Variants in CCPG1 observed in about 807,000 individuals in gnomAD.
CCPG1 encodes cell cycle progression 1.
In CCPG1, 46 loss-of-function variants were observed where a neutral mutation model predicts 81.3. The observed-to-expected ratio is 0.57, with a 90% CI of 0.45 to 0.72. CCPG1 has a LOEUF of 0.72. Ranked by LOEUF, CCPG1 falls within the 30% of genes least tolerant of loss-of-function variation. CCPG1 has a pLI of 0.00. For missense variants in CCPG1, 902 were observed against 937.6 expected (o/e 0.96, Z 0.50); for synonymous variants, 330 against 305.2 (o/e 1.08, Z -0.85).
chr15:55,368,407 C>T (rs1407573854), intron 6 of CCPG1, among the ~76,000 whole-genome samples: 1 of 152,098 alleles, frequency 6.6e-6, no homozygotes, highest in African/African-American at 2.4e-5. Flanking sequence ...TTAAATCTTA[C>T]CACCTCCAGG....
At position 55,378,316 on chromosome 15, in the gene CCPG1, G is replaced by C. The variant is rs1366791021; in HGVS notation, c.236C>G (p.Thr79Ser). ...EETAYPALEE[T>S]SSTIEAEEQK... ...CAAGTTTACCTCAATTGTTGAGCTG[G>C]TTTCCTCCAAAGCTGGATAAGCAGT... is the stretch of plus-strand genomic sequence containing the variant. Residue 79 changes from threonine to serine, a missense_variant, in exon 4 of 9, where the codon ACC (threonine) becomes AGC (serine). Transcript: ENST00000442196. 3 of 1,609,090 alleles carry C rather than the reference G, an allele frequency of 1.9e-6. No individual in the cohort carries two copies. The highest frequency in any genetic ancestry group is 2.6e-6 in the Non-Finnish European group (3 of 1,176,416).
chr15:55,372,079 A>G (rs543245760), intron 5 of CCPG1, 35 bp from the exon 6 acceptor site: 1 of 1,587,130 alleles, frequency 6.3e-7, no homozygotes, highest in Admixed American at 1.8e-5. Flanking sequence ...AGCTATTCAA[A>G]ATCTTGGAAA....
intron 6 of CCPG1, among the ~76,000 whole-genome samples, chr15:55,371,024 AATT>A (rs2056438198): frequency 6.6e-6 from 1 of 151,704 alleles, no homozygotes; most frequent in Non-Finnish European, 1.5e-5. Context: ...GAGGTAGGAG[AATT>A]GCTAGAACCC....
At position 55,389,414 on chromosome 15, in the gene CCPG1, T is replaced by A. The variant is rs1453558489; in HGVS notation, c.11A>T (p.Asn4Ile). The A allele has an allele frequency of 1.2e-6, 2 of 1,611,030 alleles. No homozygotes were observed. Among genetic ancestry groups the A allele is most frequent in the Non-Finnish European group, 1.7e-6 (2 of 1,177,434 alleles). MSE[N>I]SSDSDSSCGW... ...ACAAGATGAATCACTGTCACTGGAA[T>A]TTTCAGACATCTTTCAGGTCTACAA... Residue 4 changes from asparagine to isoleucine, a missense_variant, in exon 2 of 9, where the codon AAT becomes ATT. Around this residue, in one of 3 missense-constraint regions of CCPG1, gnomAD observed 28 missense variants for 47.8 expected, o/e 0.59. Coordinates refer to ENST00000442196, the MANE Select transcript of CCPG1 (RefSeq NM_001204450.2).
At chr15:55,386,414 C>G (rs2056800107) in intron 2 of CCPG1, among the ~76,000 whole-genome samples, 1 of 152,132 alleles carries the variant, frequency 6.6e-6, no homozygotes. Context: ...TGATGTCAGA[C>G]TGTCTTTTCA....
chr15:55,406,099 A>C (rs2057213488), intron 1 of CCPG1, among the ~76,000 whole-genome samples: 3 of 152,208 alleles, frequency 2.0e-5, no homozygotes. Context: ...TCCTGACCTC[A>C]AGTGATCCGC....
Position 55,355,862 on chromosome 15 carries a change from C to T in CCPG1, c.*358G>A, listed in dbSNP as rs1005274711. ...TTCTCAAGCTCTGCTGCAAATTTAA[C>T]ACAAACATCAGTGTTAATTACACTT... On this transcript the variant is annotated 3_prime_UTR_variant, in exon 9 of 9. Transcript: ENST00000442196. The T allele has an allele frequency of 4.0e-6, 1 of 249,620 alleles. No homozygotes were observed. Among genetic ancestry groups the T allele is most frequent in the Non-Finnish European group, 7.5e-6 (1 of 132,754 alleles). 15.5% of individuals were successfully genotyped at this position (249,620 alleles called of 1,614,324 possible).
At chr15:55,396,398 T>TTAA (rs1376115179) in intron 1 of CCPG1, among the ~76,000 whole-genome samples, 1 of 152,230 alleles carries the variant, frequency 6.6e-6, no homozygotes, top group Non-Finnish European at 1.5e-5. Flanking sequence ...CTTCCTTTTA[T>TTAA]TCCTCAGAGT....
chr15:55,405,887 GA>G (rs1331880286), intron 1 of CCPG1, among the ~76,000 whole-genome samples: 1 of 152,154 alleles, frequency 6.6e-6, no homozygotes, highest in East Asian at 1.9e-4. Context: ...GTGTTTTTGA[GA>G]CAGTCTCACT....
At position 55,385,734 on chromosome 15, in the gene CCPG1, T is replaced by A. The variant is rs1566977697; in HGVS notation, c.61-20A>T. On this transcript the variant is annotated intron_variant, in intron 2 of 8. Transcript: ENST00000442196. The stretch of plus-strand genomic sequence containing the variant: ...TGACCCCTAAGGAAAAGTGATAATC[T>A]TTCAGTTATTTGCCTATTAGCTCCT... 1 of 1,323,514 alleles carries A rather than the reference T, an allele frequency of 7.6e-7. No individual in the cohort carries two copies. The highest frequency in any genetic ancestry group is 1.1e-6 in the Non-Finnish European group (1 of 917,404). The allele number at this position is 1,323,514 out of a possible 1,614,324, so 82.0% of individuals were successfully genotyped here. A position where few individuals can be genotyped will look rare whatever the true frequency, so the allele number is the denominator to read the frequency against.
chr15:55,407,046 C>CCCCCG, intron 1 of CCPG1, among the ~76,000 whole-genome samples: 1 of 136,340 alleles, frequency 7.3e-6, no homozygotes, highest in Non-Finnish European at 1.5e-5. Context: ...GACCCCCCCC[C>CCCCCG]CCGCCCCGCC....
Position 55,359,858 on chromosome 15 carries a change from C to G in CCPG1, c.1915G>C (p.Glu639Gln). The change falls in exon 8 of 9, where the codon GAG (glutamate) becomes CAG (glutamine). Residue 639 changes from glutamate to glutamine, a missense_variant. Physicochemically the swap from Glu to Gln is conservative, Grantham distance 29 (BLOSUM62 2). This residue lies in a region of CCPG1 where 746 missense variants were observed against 728.6 expected (regional missense o/e 1.02). Coordinates refer to ENST00000442196, the MANE Select transcript of CCPG1 (RefSeq NM_001204450.2). ...CSGVFDCAQQ[E>Q]SMSLFNTVVN... ...ACTGTGTTAAAAAGGCTCATGGACTCTTGTTGAGCACAATCAAATACACCA... is the reference window on the plus strand; with the variant it reads ...ACTGTGTTAAAAAGGCTCATGGACTGTTGTTGAGCACAATCAAATACACCA... 1 of 1,613,688 alleles carries G rather than the reference C, an allele frequency of 6.2e-7. No individual in the cohort carries two copies. Among genetic ancestry groups the G allele is most frequent in the African/African-American group, 1.3e-5 (1 of 75,038 alleles).
intron 1 of CCPG1, among the ~76,000 whole-genome samples, chr15:55,406,436 C>CTTTTTTTTTTTTTTTTTTTTT (rs143238270): frequency 8.7e-5 from 11 of 126,284 alleles, no homozygotes; most frequent in Admixed American, 8.4e-5. Context: ...TTCTTTTTCT[C>CTTTTTTTTTTTTTTTTTTTTT]TTTTTTTTTT....
chr15:55,360,111 A>G lies in CCPG1; in HGVS notation c.1662T>C (p.Ala554=). The G allele has an allele frequency of 1.2e-6, 2 of 1,613,854 alleles. No homozygotes were observed. The highest frequency in any genetic ancestry group is 1.1e-5 in the South Asian group (1 of 91,062). Residue 554 remains alanine (A), a synonymous_variant, in exon 8 of 9, where the codon GCT becomes GCC. Coordinates refer to ENST00000442196, the MANE Select transcript of CCPG1 (RefSeq NM_001204450.2). ...TTGGTTTTTCAGCTGCTTCTTTTGT[A>G]GCACCAAATCTTTTATTACCCTTTT... is the stretch of plus-strand genomic sequence containing the variant. The part of the protein sequence containing the change: ...FDEKGNKRFG[A]TKEAAEKPRT...
intron 7 of CCPG1, among the ~76,000 whole-genome samples, chr15:55,361,721 A>G (rs1421037589): frequency 6.6e-6 from 1 of 151,982 alleles, no homozygotes; most frequent in Non-Finnish European, 1.5e-5. Flanking sequence ...AAAACAAATA[A>G]AAAATAAAAG....
chr15:55,381,731 C>T (rs1260556995), intron 3 of CCPG1, among the ~76,000 whole-genome samples: 6 of 152,130 alleles, frequency 3.9e-5, no homozygotes, highest in Non-Finnish European at 7.3e-5. Flanking sequence ...TAAATATGAA[C>T]ATAAGTGTAT....
intron 1 of CCPG1, among the ~76,000 whole-genome samples, chr15:55,389,971 T>C (rs1160199163): frequency 1.3e-5 from 2 of 152,232 alleles, no homozygotes; most frequent in African/African-American, 4.8e-5. Flanking sequence ...GTCGACCGGT[T>C]GGAGTGCGGT....
Position 55,360,014 on chromosome 15 carries a change from T to C in CCPG1, c.1759A>G (p.Thr587Ala), listed in dbSNP as rs2141241958. ...TCTTTCCTTCCATCATTTTGCATAG[T>C]AGGGCCTCTATTATGATGGTTTTCT... ...PTENHHNRGP[T>A]MQNDGRKEKP... Residue 587 changes from threonine to alanine, a missense_variant, in exon 8 of 9, where the codon ACT becomes GCT. By Grantham distance (58) the Thr-to-Ala change is moderately conservative. This residue lies in a region of CCPG1 where 746 missense variants were observed against 728.6 expected (regional missense o/e 1.02). Transcript: ENST00000442196. The C allele has an allele frequency of 1.2e-6, 2 of 1,613,484 alleles. No individual in the cohort carries two copies. The highest frequency in any genetic ancestry group is 1.3e-5 in the African/African-American group (1 of 74,988).
At chr15:55,385,859 G>A (rs1050150111) in intron 2 of CCPG1, 145 bp from the exon 3 acceptor site, 2 of 620,388 alleles carry the variant, frequency 3.2e-6, no homozygotes, top group Admixed American at 5.4e-5. Context: ...ACAAGCTTTT[G>A]TTCAATTTAG....
Sources: allele counts gnomAD v4.1 joint callset (sites outside exome capture counted in the v4.1 genomes callset), GRCh38; gene constraint gnomAD v4.1.1; regional missense constraint gnomAD v4.1.1; transcripts MANE v1.5; gene names NCBI Gene and HGNC (gene_info 2026-07-23, HGNC 2026-07-21).